ANKS1B: variants seen among roughly 807,000 people sequenced by gnomAD.
The protein encoded by ANKS1B is ankyrin repeat and sterile alpha motif domain containing 1B.
Under a neutral mutation model 148.3 loss-of-function variants are expected in ANKS1B, and 36 were observed. That is an observed-to-expected ratio of 0.24 (90% confidence interval 0.19 to 0.32). The LOEUF (loss-of-function observed/expected upper bound fraction) is 0.32, where lower values mean the gene tolerates loss of function less well. Among genes scored for constraint, ANKS1B ranks in the 10% least tolerant of loss-of-function variants. The probability of loss-of-function intolerance (pLI) is 1.00; values close to 1 mark genes in which losing one functional copy is unlikely to be tolerated. For missense variants in ANKS1B, 1,157 were observed against 1,542.6 expected (o/e 0.75, Z 4.19); for synonymous variants, 542 against 560.8 (o/e 0.97, Z 0.47).
At chr12:99,094,299 A>T (rs2153656050) in intron 15 of ANKS1B, among the ~76,000 whole-genome samples, 1 of 152,342 alleles carries the variant, frequency 6.6e-6, no homozygotes, top group South Asian at 2.1e-4. Context: ...TTACTGTATT[A>T]GTAGGGACTA....
At chr12:98,846,025 C>CATATATATAT (rs61065461) in intron 17 of ANKS1B, among the ~76,000 whole-genome samples, 91 of 149,968 alleles carry the variant, frequency 6.1e-4, no homozygotes, top group Non-Finnish European at 1.1e-3. Context: ...CACATACACA[C>CATATATATAT]ATATATATAT....
chr12:99,746,497 T>C (rs2060606306), intron 8 of ANKS1B, among the ~76,000 whole-genome samples: 1 of 152,232 alleles, frequency 6.6e-6, no homozygotes, highest in South Asian at 2.1e-4. Context: ...TTAGTTCCTG[T>C]TATGTTACAT....
At chr12:99,033,906 T>A (rs1315212529) in intron 17 of ANKS1B, among the ~76,000 whole-genome samples, 1 of 152,152 alleles carries the variant, frequency 6.6e-6, no homozygotes, top group South Asian at 2.1e-4. Context: ...TCCCTATTAG[T>A]AGAAAAAGCT....
chr12:99,197,425 C>T (rs2081520007), intron 14 of ANKS1B, among the ~76,000 whole-genome samples: 1 of 152,078 alleles, frequency 6.6e-6, no homozygotes, highest in African/African-American at 2.4e-5. Flanking sequence ...ATAGGCAGTG[C>T]TAGGCAGAAT....
At chr12:99,913,446 T>A (rs191388743) in intron 1 of ANKS1B, among the ~76,000 whole-genome samples, 2 of 152,328 alleles carry the variant, frequency 1.3e-5, no homozygotes, top group Admixed American at 6.5e-5. Flanking sequence ...ATGTAAGGAT[T>A]TTCCTGAGGC....
chr12:99,129,924 A>G (rs1338674203), intron 15 of ANKS1B, among the ~76,000 whole-genome samples: 2 of 152,230 alleles, frequency 1.3e-5, no homozygotes, highest in Non-Finnish European at 2.9e-5. Flanking sequence ...GAACGGGATG[A>G]ATGCTTATCC....
intron 16 of ANKS1B, among the ~76,000 whole-genome samples, chr12:99,073,542 G>A (rs112265141): frequency 0.021 from 3,157 of 152,162 alleles, 42 homozygotes; most frequent in African/African-American, 0.028. Flanking sequence ...GAATGACCCC[G>A]GTGGCTGCTG....
At chr12:99,137,961 T>C (rs184290458) in intron 15 of ANKS1B, among the ~76,000 whole-genome samples, 155 of 152,224 alleles carry the variant, frequency 1.0e-3, no homozygotes, top group Admixed American at 3.9e-3. Flanking sequence ...ATATTATCAT[T>C]TGAAAATAAT....
intron 1 of ANKS1B, among the ~76,000 whole-genome samples, chr12:99,919,091 G>C (rs999750045): frequency 6.6e-6 from 1 of 152,102 alleles, no homozygotes; most frequent in Admixed American, 6.5e-5. Flanking sequence ...CCTTCAGCTG[G>C]CCCTATGCTT....
intron 17 of ANKS1B, among the ~76,000 whole-genome samples, chr12:98,986,867 C>A (rs1028939791): frequency 6.6e-6 from 1 of 152,096 alleles, no homozygotes; most frequent in Non-Finnish European, 1.5e-5. Flanking sequence ...GATCCTCCTG[C>A]CTTGGCCTCC....
intron 15 of ANKS1B, among the ~76,000 whole-genome samples, chr12:99,149,452 T>C (rs2074239281): frequency 6.6e-6 from 1 of 152,142 alleles, no homozygotes. Context: ...AAAATGCCAA[T>C]TCATGTAGGG....
At chr12:99,225,794 G>A (rs183875128) in intron 14 of ANKS1B, among the ~76,000 whole-genome samples, 157 of 152,290 alleles carry the variant, frequency 1.0e-3, no homozygotes, top group African/African-American at 3.2e-3. Flanking sequence ...GTCGGCTTCC[G>A]TACTTCTGAG....
chr12:98,788,601 A>G (rs1264343689), intron 22 of ANKS1B, among the ~76,000 whole-genome samples: 2 of 152,158 alleles, frequency 1.3e-5, no homozygotes, highest in African/African-American at 2.4e-5. Context: ...CCTCCTGCAT[A>G]TGACATGGCC....
At chr12:99,614,903 A>AAG (rs2097939076) in intron 9 of ANKS1B, among the ~76,000 whole-genome samples, 1 of 150,944 alleles carries the variant, frequency 6.6e-6, no homozygotes, top group Non-Finnish European at 1.5e-5. Flanking sequence ...AAAAAAAAAA[A>AAG]GTTGCTTTAG....
chr12:99,619,741 C>T (rs1381541281), intron 9 of ANKS1B, among the ~76,000 whole-genome samples: 1 of 152,148 alleles, frequency 6.6e-6, no homozygotes, highest in Non-Finnish European at 1.5e-5. Flanking sequence ...TTAGGCTGCC[C>T]TCATCCCCCT....
intron 8 of ANKS1B, among the ~76,000 whole-genome samples, chr12:99,713,522 G>C (rs553784617): frequency 2.0e-5 from 3 of 151,958 alleles, no homozygotes; most frequent in Non-Finnish European, 2.9e-5. Context: ...AAATTTCCTC[G>C]GCTAAATCTC....
intron 12 of ANKS1B, among the ~76,000 whole-genome samples, chr12:99,365,772 A>G (rs1396490859): frequency 3.3e-5 from 5 of 152,138 alleles, no homozygotes; most frequent in Non-Finnish European, 7.4e-5. Flanking sequence ...GGTCTCTATC[A>G]GGTACCTCTT....
At chr12:98,750,632 G>A (rs4472982) in intron 26 of ANKS1B, among the ~76,000 whole-genome samples, 43,133 of 152,062 alleles carry the variant, frequency 0.28, 6,457 homozygotes, top group African/African-American at 0.37. Context: ...TACGGCAGCC[G>A]GGGCAGAAAC....
At chr12:98,802,356 T>C (rs1371661879) in intron 20 of ANKS1B, among the ~76,000 whole-genome samples, 1 of 152,138 alleles carries the variant, frequency 6.6e-6, no homozygotes, top group Non-Finnish European at 1.5e-5. Context: ...TGGATGCAGT[T>C]GTATGTTTTG....
Sources: gnomAD v4.1 joint callset for allele counts (sites outside exome capture counted in the v4.1 genomes callset) on GRCh38, gnomAD v4.1.1 for gene constraint, MANE v1.5 for transcripts, NCBI Gene and HGNC (gene_info 2026-07-23, HGNC 2026-07-21) for gene names.